PRDM16: variants seen among roughly 807,000 people sequenced by gnomAD.
PRDM16 encodes PR/SET domain 16, also known as histone-lysine N-methyltransferase PRDM16.
PRDM16 carries 23 observed loss-of-function variants against 110.6 expected under a neutral mutation model. That is an observed-to-expected ratio of 0.21 (90% confidence interval 0.15 to 0.29). PRDM16 has a LOEUF of 0.29. Among genes scored for constraint, PRDM16 ranks in the 10% least tolerant of loss-of-function variants. PRDM16 has a pLI of 1.00. For missense variants in PRDM16, 1,615 were observed against 1,794.3 expected (o/e 0.90, Z 1.81); for synonymous variants, 799 against 781.8 (o/e 1.02, Z -0.37).
At chr1:3,431,184 C>T (rs1638757713) in intron 15 of PRDM16, 76 bp downstream of exon 15, 4 of 1,507,704 alleles carry the variant, frequency 2.7e-6, no homozygotes, top group African/African-American at 1.4e-5. Context: ...CCTCCCTCTT[C>T]AGCCACTCGT....
chr1:3,391,958 G>A (rs1248884498), intron 4 of PRDM16, among the ~76,000 whole-genome samples: 2 of 152,228 alleles, frequency 1.3e-5, no homozygotes, highest in East Asian at 1.9e-4. Flanking sequence ...CTCCTGGGCC[G>A]GCCTCGGGGC....
chr1:3,256,363 C>G (rs1249959520), intron 3 of PRDM16, among the ~76,000 whole-genome samples: 3 of 152,186 alleles, frequency 2.0e-5, no homozygotes, highest in African/African-American at 7.2e-5. Flanking sequence ...ATTCTACATT[C>G]ATGCGTAACC....
At chr1:3,228,825 ATC>A (rs1026927820) in intron 2 of PRDM16, among the ~76,000 whole-genome samples, 2 of 151,252 alleles carry the variant, frequency 1.3e-5, no homozygotes, top group East Asian at 1.9e-4. Context: ...CTCTCCCTCC[ATC>A]TCTCTCTCTC....
intron 3 of PRDM16, among the ~76,000 whole-genome samples, chr1:3,337,682 G>A (rs893189381): frequency 6.6e-6 from 1 of 152,204 alleles, no homozygotes; most frequent in African/African-American, 2.4e-5. Context: ...CCCCAGGCTG[G>A]CTGGCTTTCC....
At chr1:3,247,697 G>C (rs866075621) in intron 3 of PRDM16, among the ~76,000 whole-genome samples, 14 of 152,358 alleles carry the variant, frequency 9.2e-5, no homozygotes, top group Non-Finnish European at 1.8e-4. Flanking sequence ...GCGCTGGCCC[G>C]CGCTCGCTCT....
intron 1 of PRDM16, among the ~76,000 whole-genome samples, chr1:3,111,405 T>C (rs913509590): frequency 8.4e-5 from 4 of 47,788 alleles, no homozygotes; most frequent in African/African-American, 2.8e-4. Context: ...GCAGGATTCT[T>C]GTCAAGGGGT....
intron 3 of PRDM16, among the ~76,000 whole-genome samples, chr1:3,384,931 G>T (rs973122126): frequency 2.6e-5 from 4 of 152,234 alleles, no homozygotes; most frequent in African/African-American, 9.6e-5. Flanking sequence ...GCCATTCCCT[G>T]CCTTTCTGCT....
chr1:3,125,977 C>T (rs1643196405), intron 1 of PRDM16, among the ~76,000 whole-genome samples: 1 of 152,226 alleles, frequency 6.6e-6, no homozygotes, highest in Admixed American at 6.5e-5. Flanking sequence ...GAGGAATTAG[C>T]GTTTGAGTGG....
At position 3,161,792 on chromosome 1, in the gene PRDM16, G is replaced by A. The variant is rs758485599; in HGVS notation, c.38-24333G>A. 2.6e-5 allele frequency among the ~76,000 whole-genome samples: 4 copies of A among 152,224 alleles called. No homozygotes were observed. The East Asian group carries it at 7.7e-4, about 29-fold the overall frequency. On this transcript the variant is annotated intron_variant, in intron 1 of 16. Coordinates refer to ENST00000270722, the MANE Select transcript of PRDM16 (RefSeq NM_022114.4). ...CAGTCCTAAGCAGGCCCATGCCAGC[G>A]GCGTCCCAGCTCCTGGGTGCAGGAT...
At chr1:3,341,846 A>G (rs1357192945) in intron 3 of PRDM16, among the ~76,000 whole-genome samples, 1 of 152,218 alleles carries the variant, frequency 6.6e-6, no homozygotes, top group Non-Finnish European at 1.5e-5. Flanking sequence ...CCTGACTGTA[A>G]GATTTCCGAG....
intron 1 of PRDM16, among the ~76,000 whole-genome samples, chr1:3,121,154 G>C (rs1458087171): frequency 6.6e-6 from 1 of 152,152 alleles, no homozygotes; most frequent in African/African-American, 2.4e-5. Context: ...TGCCCGTCAC[G>C]GAGCCCGCAG....
Position 3,390,164 on chromosome 1 carries a change from G to T in PRDM16, c.573+4878G>T, listed in dbSNP as rs543647933. Reference sequence around the variant, plus strand: ...CGATGAAGCGCCTGCGGGGGGATGCGGGAGGCAGGGAGGAGCTGTCACAGC... The same window carrying T: ...CGATGAAGCGCCTGCGGGGGGATGCTGGAGGCAGGGAGGAGCTGTCACAGC... On this transcript the variant is annotated intron_variant, in intron 4 of 16. Transcript: ENST00000270722. The surrounding 1 kb of genome is among the most constrained non-coding windows in gnomAD (Gnocchi z 5.0). 6.6e-6 allele frequency among the ~76,000 whole-genome samples: 1 copy of T among 152,196 alleles called. No individual in the cohort carries two copies. The highest frequency in any genetic ancestry group is 1.5e-5 in the Non-Finnish European group (1 of 68,036).
At chr1:3,276,919 C>T (rs1640599071) in intron 3 of PRDM16, among the ~76,000 whole-genome samples, 1 of 152,174 alleles carries the variant, frequency 6.6e-6, no homozygotes, top group Non-Finnish European at 1.5e-5. Context: ...CCTCCGCCAT[C>T]TTCTCCCCAT....
chr1:3,372,670 C>A (rs1019866986), intron 3 of PRDM16, among the ~76,000 whole-genome samples: 8 of 152,270 alleles, frequency 5.3e-5, no homozygotes, highest in African/African-American at 1.9e-4. Context: ...TAACGTGCAA[C>A]CTTCAGGCTC....
At chr1:3,421,304 C>T (rs1342750517) in intron 12 of PRDM16, among the ~76,000 whole-genome samples, 1 of 152,182 alleles carries the variant, frequency 6.6e-6, no homozygotes, top group Non-Finnish European at 1.5e-5. Context: ...TCTGTTGTTC[C>T]CCTGCCAATG....
intron 1 of PRDM16, among the ~76,000 whole-genome samples, chr1:3,147,658 C>T (rs952031186): frequency 6.6e-6 from 1 of 152,194 alleles, no homozygotes; most frequent in Non-Finnish European, 1.5e-5. Flanking sequence ...GCGTCGCACA[C>T]AGCACCGGTC....
chr1:3,143,262 C>T lies in PRDM16; in HGVS notation c.38-42863C>T, dbSNP rs1003498929. Among the ~76,000 whole-genome samples, 1 of 152,000 alleles carries T rather than the reference C, an allele frequency of 6.6e-6. No homozygotes were observed. Among genetic ancestry groups the T allele is most frequent in the African/African-American group, 2.4e-5 (1 of 41,372 alleles). On this transcript the variant is annotated intron_variant, in intron 1 of 16. Transcript: ENST00000270722. The surrounding 1 kb of genome is among the most constrained non-coding windows in gnomAD (Gnocchi z 4.5). ...ACAGGGACCCCTGGGTGTGCGGGACCGTGCCGGGAAGTGTGGACATGGGTC... is the reference window on the plus strand; with the variant it reads ...ACAGGGACCCCTGGGTGTGCGGGACTGTGCCGGGAAGTGTGGACATGGGTC...
At chr1:3,315,174 T>C (rs1641571996) in intron 3 of PRDM16, among the ~76,000 whole-genome samples, 1 of 145,162 alleles carries the variant, frequency 6.9e-6, no homozygotes, top group Admixed American at 6.8e-5. Context: ...TCCCCCTGCT[T>C]CCCTCCCACC....
chr1:3,426,897 G>A (rs1202128444), intron 14 of PRDM16, among the ~76,000 whole-genome samples: 5 of 152,106 alleles, frequency 3.3e-5, no homozygotes, highest in African/African-American at 4.8e-5. Flanking sequence ...TGCCCTTTGC[G>A]TGCAGGTCCC....
Sources: allele counts gnomAD v4.1 joint callset (sites outside exome capture counted in the v4.1 genomes callset), GRCh38; gene constraint gnomAD v4.1.1; non-coding constraint Gnocchi (gnomAD v3.1); transcripts MANE v1.5; gene names NCBI Gene and HGNC (gene_info 2026-07-23, HGNC 2026-07-21).